The following ATP11B variants were observed in gnomAD, a reference collection of about 807,000 sequenced individuals.
ATP11B encodes ATPase phospholipid transporting 11B (putative).
ATP11B carries 81 observed loss-of-function variants against 157.8 expected under a neutral mutation model. The ratio of observed to expected loss-of-function variants is 0.51; its 90% CI spans 0.43 to 0.62. The LOEUF is 0.62. Ranked by LOEUF, ATP11B falls within the 20% of genes least tolerant of loss-of-function variation. The probability of loss-of-function intolerance (pLI) is 0.00; values close to 1 mark genes in which losing one functional copy is unlikely to be tolerated. For synonymous variants in ATP11B, 451 were observed against 469.4 expected (o/e 0.96, Z 0.51); for missense variants, 1,165 against 1,402.2 (o/e 0.83, Z 2.70).
chr3:182,865,386 G>T lies in ATP11B; in HGVS notation c.1201-70G>T, dbSNP rs1577045019. 11 of 1,504,298 alleles carry T rather than the reference G, an allele frequency of 7.3e-6. No individual in the cohort carries two copies. In the East Asian group the frequency reaches 2.3e-4, roughly 31 times the overall value. 93.2% of individuals were successfully genotyped at this position (1,504,298 alleles called of 1,614,324 possible). A position where few individuals can be genotyped will look rare whatever the true frequency, so the allele number is the denominator to read the frequency against. Reference sequence around the variant, plus strand: ...TGGACTTCAGGAGAGCGAGGACAGAGATTTTTTTCTTGTTTAACATAGGAC... The same window carrying T: ...TGGACTTCAGGAGAGCGAGGACAGATATTTTTTTCTTGTTTAACATAGGAC... On this transcript the variant is annotated intron_variant, in intron 12 of 29. Coordinates refer to ENST00000323116, the MANE Select transcript of ATP11B (RefSeq NM_014616.3).
Position 182,880,868 on chromosome 3 carries a change from A to G in ATP11B, c.2407-11A>G. The G allele has an allele frequency of 6.5e-7, 1 of 1,530,198 alleles. No individual in the cohort carries two copies. Among genetic ancestry groups the G allele is most frequent in the Non-Finnish European group, 8.8e-7 (1 of 1,133,766 alleles). The allele number at this position is 1,530,198 out of a possible 1,614,324, so 94.8% of individuals were successfully genotyped here. On this transcript the variant is annotated splice_polypyrimidine_tract_variant and intron_variant, in intron 20 of 29. Coordinates refer to ENST00000323116, the MANE Select transcript of ATP11B (RefSeq NM_014616.3). ...TTGCGTCATAAATAACCAATTCATTATGTCTTTCAGGTAATAAGACTAATA... is the reference window on the plus strand; with the variant it reads ...TTGCGTCATAAATAACCAATTCATTGTGTCTTTCAGGTAATAAGACTAATA...
chr3:182,841,995 A>C (rs1719080309), intron 7 of ATP11B, 80 bp from the exon 8 acceptor site: 3 of 926,664 alleles, frequency 3.2e-6, no homozygotes, highest in Non-Finnish European at 3.3e-6. Context: ...AAAAAAAAAA[A>C]AACAAAGGAT....
intron 9 of ATP11B, 111 bp from the exon 10 acceptor site, chr3:182,848,365 A>G (rs1010375298): frequency 3.4e-6 from 2 of 581,086 alleles, no homozygotes; most frequent in East Asian, 3.9e-5. Context: ...AAGCAAAATT[A>G]TAACAACTGT....
At chr3:182,836,319 C>G in intron 5 of ATP11B, 23 bp from the exon 6 acceptor site, 1 of 1,612,500 alleles carries the variant, frequency 6.2e-7, no homozygotes, top group Non-Finnish European at 8.5e-7. Flanking sequence ...TATAAATTCA[C>G]TCTTCCCCAA....
At chr3:182,850,559 C>CA (rs534273577) in intron 10 of ATP11B, among the ~76,000 whole-genome samples, 46 of 151,746 alleles carry the variant, frequency 3.0e-4, no homozygotes, top group Non-Finnish European at 4.3e-4. Flanking sequence ...ATTAAAAAGA[C>CA]AAAAAATAAA....
intron 28 of ATP11B, among the ~76,000 whole-genome samples, chr3:182,909,348 T>C: frequency 6.6e-6 from 1 of 152,214 alleles, no homozygotes. Flanking sequence ...CTAAATTATG[T>C]GGTCATTCCT....
At position 182,879,532 on chromosome 3, in the gene ATP11B, A is replaced by T. The variant is rs1377236178; in HGVS notation, c.2289A>T (p.Val763=). 6.2e-7 allele frequency: 1 copy of T among 1,611,840 alleles called. No individual in the cohort carries two copies. The highest frequency in any genetic ancestry group is 8.5e-7 in the Non-Finnish European group (1 of 1,179,358). The change falls in exon 20 of 30, where the codon GTA becomes GTT. Residue 763 remains valine, a synonymous_variant. Coordinates refer to ENST00000323116, the MANE Select transcript of ATP11B (RefSeq NM_014616.3). The stretch of plus-strand genomic sequence containing the variant: ...ATCATGTGATTCAGCATGGGCTGGT[A>T]GTGGATGGGACCAGCCTATCTCTTG... ...TEDHVIQHGL[V]VDGTSLSLAL...
rs771298105 is a variant in ATP11B at position 182,897,292 on chromosome 3, CT to C, written c.3049-3del. On this transcript the variant is annotated splice_polypyrimidine_tract_variant and intron_variant, in intron 26 of 29. Coordinates refer to ENST00000323116, the MANE Select transcript of ATP11B (RefSeq NM_014616.3). Reference sequence around the variant, plus strand: ...GTTTATATTTCTAAGGATATAAAAACTTTTTTTTAGATGGCTCTGGAAACTC... The same window carrying C: ...GTTTATATTTCTAAGGATATAAAAACTTTTTTTAGATGGCTCTGGAAACTC... 64 of 1,515,608 alleles carry C rather than the reference CT, an allele frequency of 4.2e-5. No individual in the cohort carries two copies. The highest frequency in any genetic ancestry group is 2.2e-4 in the Admixed American group (9 of 41,236). 93.9% of individuals were successfully genotyped at this position (1,515,608 alleles called of 1,614,324 possible). A position where few individuals can be genotyped will look rare whatever the true frequency, so the allele number is the denominator to read the frequency against.
At chr3:182,795,443 A>G (rs1487067639) in intron 1 of ATP11B, among the ~76,000 whole-genome samples, 3 of 152,216 alleles carry the variant, frequency 2.0e-5, no homozygotes, top group African/African-American at 7.2e-5. Context: ...AACCATGCTC[A>G]TCTTCAAGAC....
chr3:182,816,097 C>CTTTT (rs34711678), intron 1 of ATP11B, among the ~76,000 whole-genome samples: 2 of 149,002 alleles, frequency 1.3e-5, no homozygotes, highest in African/African-American at 4.9e-5. Context: ...TATTCACCCA[C>CTTTT]TTTTTTTTTT....
chr3:182,903,388 A>G (rs1724106628), intron 28 of ATP11B, among the ~76,000 whole-genome samples: 1 of 152,016 alleles, frequency 6.6e-6, no homozygotes, highest in Non-Finnish European at 1.5e-5. Context: ...TTTGAATTTT[A>G]AATTCTGTTT....
In ATP11B at chr3:182,857,940, C is replaced by T. The variant is rs747230189; in HGVS notation, c.914C>T (p.Thr305Ile). Residue 305 changes from threonine to isoleucine, a missense_variant, in exon 11 of 30, where the codon ACT (threonine) becomes ATT (isoleucine). Physicochemically the swap from Thr to Ile is moderately conservative, Grantham distance 89. This residue lies in a region of ATP11B where 737 missense variants were observed against 930.5 expected (regional missense o/e 0.79). Coordinates refer to ENST00000323116, the MANE Select transcript of ATP11B (RefSeq NM_014616.3). The stretch of plus-strand genomic sequence containing the variant: ...CTTATATCTGAAGCTGTCATCAGCA[C>T]TATCTTGAAGTATACATGGCAAGCT... ...VILISEAVIS[T>I]ILKYTWQAEE... 6.3e-7 allele frequency: 1 copy of T among 1,596,964 alleles called. No homozygotes were observed. Among genetic ancestry groups the T allele is most frequent in the African/African-American group, 1.3e-5 (1 of 74,752 alleles).
At chr3:182,821,405 C>T (rs1717338156) in intron 2 of ATP11B, among the ~76,000 whole-genome samples, 2 of 152,196 alleles carry the variant, frequency 1.3e-5, no homozygotes, top group African/African-American at 2.4e-5. Context: ...CTGCACCCGG[C>T]CATAGATTGG....
At chr3:182,889,824 TC>T (rs1466417378) in intron 25 of ATP11B, among the ~76,000 whole-genome samples, 1 of 152,174 alleles carries the variant, frequency 6.6e-6, no homozygotes, top group Non-Finnish European at 1.5e-5. Context: ...CCCTGCATGC[TC>T]TTCACCTTAG....
rs1444396067 is a variant in ATP11B, at chr3:182,857,799, A to T, written c.852-79A>T. On this transcript the variant is annotated intron_variant, in intron 10 of 29. Coordinates refer to ENST00000323116, the MANE Select transcript of ATP11B (RefSeq NM_014616.3). ...CCTCTATGTTTTAATATCTTCTCTA[A>T]TACAAGTACTAATTTTCAAGCAAAT... is the stretch of plus-strand genomic sequence containing the variant. 14 of 876,474 alleles carry T rather than the reference A, an allele frequency of 1.6e-5. No individual in the cohort carries two copies. The African/African-American group carries it at 2.3e-4, about 15-fold the overall frequency. The allele number at this position is 876,474 out of a possible 1,614,324, so 54.3% of individuals were successfully genotyped here. A position where few individuals can be genotyped will look rare whatever the true frequency, so the allele number is the denominator to read the frequency against.
Position 182,836,070 on chromosome 3 carries a change from TGAA to T in ATP11B, c.353_355del (p.Glu118del). On this transcript the variant is annotated inframe_deletion, in exon 5 of 30. Transcript: ENST00000323116. The stretch of plus-strand genomic sequence containing the variant: ...ATTGGTTACGGCATAACTCAGATAA[TGAA>T]GTAAATGGAGCTCCTGTTTATGTTG... 1 of 1,613,538 alleles carries T rather than the reference TGAA, an allele frequency of 6.2e-7. No individual in the cohort carries two copies. The highest frequency in any genetic ancestry group is 8.5e-7 in the Non-Finnish European group (1 of 1,179,684).
At chr3:182,814,465 TA>T (rs1716853545) in intron 1 of ATP11B, among the ~76,000 whole-genome samples, 2 of 152,226 alleles carry the variant, frequency 1.3e-5, no homozygotes, top group African/African-American at 4.8e-5. Flanking sequence ...AAATATTCTT[TA>T]AAGAATTAAT....
chr3:182,797,014 C>T (rs915908324), intron 1 of ATP11B, among the ~76,000 whole-genome samples: 3 of 152,174 alleles, frequency 2.0e-5, no homozygotes, highest in African/African-American at 4.8e-5. Context: ...AATCTGAACT[C>T]CCTCAACTTT....
intron 28 of ATP11B, among the ~76,000 whole-genome samples, chr3:182,909,398 A>G (rs1018181021): frequency 1.3e-5 from 2 of 152,168 alleles, no homozygotes; most frequent in African/African-American, 2.4e-5. Context: ...ACCAATCACA[A>G]CTTCTAGTAA....
Sources: gnomAD v4.1 joint callset for allele counts (sites outside exome capture counted in the v4.1 genomes callset) on GRCh38, gnomAD v4.1.1 for gene constraint, gnomAD v4.1.1 regional missense constraint, MANE v1.5 for transcripts, NCBI Gene and HGNC (gene_info 2026-07-23, HGNC 2026-07-21) for gene names.